The following ATP9B variants were observed in gnomAD, a reference collection of about 807,000 sequenced individuals.
The protein encoded by ATP9B is probable phospholipid-transporting ATPase IIB.
ATP9B carries 110 observed loss-of-function variants against 146.1 expected under a neutral mutation model. The observed-to-expected ratio is 0.75, with a 90% CI of 0.65 to 0.88. The LOEUF (loss-of-function observed/expected upper bound fraction) is 0.88. Ranked by LOEUF, ATP9B falls within the 40% of genes least tolerant of loss-of-function variation. ATP9B has a pLI of 0.00. For synonymous variants in ATP9B, 604 were observed against 569.7 expected, an observed-to-expected ratio of 1.06 and a Z score of -0.86; for missense variants, 1,499 against 1,496.4, an observed-to-expected ratio of 1.00 and a Z score of -0.03.
chr18:79,206,756 TTTGAAC>T (rs535537043), intron 9 of ATP9B, among the ~76,000 whole-genome samples, 175 bp from the exon 10 acceptor site: 84 of 152,378 alleles, frequency 5.5e-4, no homozygotes, highest in African/African-American at 2.0e-3. Flanking sequence ...ACAGGAGTTC[TTTGAAC>T]TTGTACTTTC....
chr18:79,199,161 C>T (rs937508780), intron 9 of ATP9B, among the ~76,000 whole-genome samples: 7 of 151,930 alleles, frequency 4.6e-5, no homozygotes, highest in African/African-American at 1.7e-4. Context: ...CCGTGTTGGT[C>T]AGGCTGGTCT....
intron 13 of ATP9B, among the ~76,000 whole-genome samples, chr18:79,293,013 T>G (rs761364194): frequency 1.2e-4 from 18 of 151,920 alleles, no homozygotes; most frequent in Non-Finnish European, 2.1e-4. Context: ...CATAGATTGA[T>G]GGACTAGAAG....
At chr18:79,361,878 T>C (rs2096991344) in intron 26 of ATP9B, 4 of 836,478 alleles carry the variant, frequency 4.8e-6, no homozygotes, top group Non-Finnish European at 5.8e-6. Flanking sequence ...CGGCTCAAGC[T>C]CCTGCGATGT....
At chr18:79,083,306 G>A (rs976306254) in intron 1 of ATP9B, among the ~76,000 whole-genome samples, 6 of 152,172 alleles carry the variant, frequency 3.9e-5, no homozygotes, top group Admixed American at 2.6e-4. Context: ...TGCTGGCAGC[G>A]AGCATTTCAA....
intron 10 of ATP9B, among the ~76,000 whole-genome samples, chr18:79,213,120 T>G (rs969731264): frequency 2.0e-5 from 3 of 152,182 alleles, no homozygotes; most frequent in Non-Finnish European, 4.4e-5. Context: ...TTCATATAAT[T>G]ATTATAGTTA....
At chr18:79,328,116 C>T (rs893831602) in intron 15 of ATP9B, among the ~76,000 whole-genome samples, 5 of 145,890 alleles carry the variant, frequency 3.4e-5, no homozygotes, top group African/African-American at 7.6e-5. Context: ...CTGTGGTTAG[C>T]GTGCTCTCCG....
chr18:79,274,683 C>T (rs2096288723), intron 12 of ATP9B, among the ~76,000 whole-genome samples: 1 of 152,158 alleles, frequency 6.6e-6, no homozygotes. Flanking sequence ...GTAGTTTACT[C>T]AGTGATCTTT....
intron 15 of ATP9B, among the ~76,000 whole-genome samples, chr18:79,327,530 G>GTGGTTAGTGTGCCCTCCC (rs2096757136): frequency 2.7e-5 from 3 of 109,236 alleles, no homozygotes; most frequent in Non-Finnish European, 5.8e-5. Context: ...CGTGCTCTCC[G>GTGGTTAGTGTGCCCTCCC]TGGTTAGCGT....
intron 11 of ATP9B, among the ~76,000 whole-genome samples, chr18:79,227,558 T>C (rs922337418): frequency 2.0e-5 from 3 of 152,204 alleles, no homozygotes; most frequent in Admixed American, 1.3e-4. Flanking sequence ...GGGTTTCTTC[T>C]AGTTTTTTGT....
At chr18:79,166,227 G>C (rs1273935560) in intron 7 of ATP9B, among the ~76,000 whole-genome samples, 2 of 152,112 alleles carry the variant, frequency 1.3e-5, no homozygotes, top group African/African-American at 2.4e-5. Context: ...CATTTCAGAG[G>C]GCAGAAACAG....
At chr18:79,157,663 T>G (rs1467102115) in intron 7 of ATP9B, among the ~76,000 whole-genome samples, 1 of 152,334 alleles carries the variant, frequency 6.6e-6, no homozygotes, top group Non-Finnish European at 1.5e-5. Context: ...GTTTCTTTAC[T>G]TGTTACAGGA....
chr18:79,122,090 C>T (rs1023172940), intron 4 of ATP9B, among the ~76,000 whole-genome samples: 2 of 152,106 alleles, frequency 1.3e-5, no homozygotes, highest in African/African-American at 4.8e-5. Context: ...GGTAAAAGTA[C>T]ACATTTCAGG....
chr18:79,281,391 G>A (rs565996414), intron 13 of ATP9B, among the ~76,000 whole-genome samples: 12 of 152,134 alleles, frequency 7.9e-5, no homozygotes, highest in African/African-American at 2.7e-4. Flanking sequence ...TAGCTACTCC[G>A]GAGGCTGAGG....
At chr18:79,350,662 A>G (rs749616330) in intron 25 of ATP9B, among the ~76,000 whole-genome samples, 50 of 152,210 alleles carry the variant, frequency 3.3e-4, no homozygotes, top group Non-Finnish European at 6.3e-4. Flanking sequence ...AGTGTTTCCT[A>G]TAGTACTTCA....
At chr18:79,258,180 A>T (rs891305335) in intron 12 of ATP9B, among the ~76,000 whole-genome samples, 8 of 152,366 alleles carry the variant, frequency 5.3e-5, no homozygotes, top group African/African-American at 1.9e-4. Context: ...ATAGTAAAAC[A>T]AAATAGAAAA....
At chr18:79,117,310 G>T (rs1287598740) in intron 4 of ATP9B, 1 of 152,184 alleles carries the variant, frequency 6.6e-6, no homozygotes, top group Admixed American at 6.5e-5. Context: ...AGAAAAGGCA[G>T]TATATAAACT....
intron 12 of ATP9B, among the ~76,000 whole-genome samples, chr18:79,271,634 A>G (rs2096255951): frequency 6.6e-6 from 1 of 152,294 alleles, no homozygotes. Context: ...AATCCAGTCT[A>G]TCACTGATGG....
Position 79,340,870 on chromosome 18 carries a change from GC to G in ATP9B, c.2284-1397del, listed in dbSNP as rs2096854489. 2.0e-5 allele frequency among the ~76,000 whole-genome samples: 3 copies of G among 152,210 alleles called. No individual in the cohort carries two copies. In the South Asian group the frequency reaches 6.2e-4, roughly 31 times the overall value. Reference sequence around the variant, plus strand: ...TTTCCAACTAAAAAACTAGCAAACTGCAGTGAAGGTCTTCATGAGCCTCCCA... The same window carrying G: ...TTTCCAACTAAAAAACTAGCAAACTGAGTGAAGGTCTTCATGAGCCTCCCA... On this transcript the variant is annotated intron_variant, in intron 19 of 29. Coordinates refer to ENST00000426216, the MANE Select transcript of ATP9B (RefSeq NM_198531.5).
chr18:79,113,652 C>T (rs991779573), intron 4 of ATP9B, among the ~76,000 whole-genome samples: 10 of 152,140 alleles, frequency 6.6e-5, no homozygotes. Context: ...TCAGCAGCTC[C>T]CTCCTGTTTG....
Sources: allele counts gnomAD v4.1 joint callset (sites outside exome capture counted in the v4.1 genomes callset), GRCh38; gene constraint gnomAD v4.1.1; transcripts MANE v1.5; gene names NCBI Gene and HGNC (gene_info 2026-07-23, HGNC 2026-07-21).